Variants in CNTN6 observed in about 807,000 individuals in gnomAD.
CNTN6 encodes contactin-6.
In CNTN6, 137 loss-of-function variants were observed where a neutral mutation model predicts 122.8. The observed-to-expected ratio is 1.12, with a 90% CI of 0.97 to 1.29. The LOEUF (loss-of-function observed/expected upper bound fraction) is 1.29. Among genes scored for constraint, CNTN6 ranks in the 50% most tolerant of loss-of-function variants. CNTN6 has a pLI of 0.00. For missense variants in CNTN6, 1,634 were observed against 1,223.4 expected, an observed-to-expected ratio of 1.34 and a Z score of -5.01; for synonymous variants, 570 against 426.0, an observed-to-expected ratio of 1.34 and a Z score of -4.16.
intron 4 of CNTN6, among the ~76,000 whole-genome samples, chr3:1,239,044 G>T (rs892142697): frequency 2.0e-5 from 3 of 152,132 alleles, no homozygotes; most frequent in Non-Finnish European, 4.4e-5. Flanking sequence ...ACCTAGAGGA[G>T]ATGGATAAAT....
At chr3:1,138,414 A>G (rs1244968502) in intron 1 of CNTN6, among the ~76,000 whole-genome samples, 1 of 152,062 alleles carries the variant, frequency 6.6e-6, no homozygotes, top group African/African-American at 2.4e-5. Context: ...CTCCTACCCA[A>G]TATATTTAAG....
chr3:1,308,272 A>G (rs1698670959), intron 7 of CNTN6, among the ~76,000 whole-genome samples: 2 of 133,838 alleles, frequency 1.5e-5, no homozygotes, highest in African/African-American at 2.8e-5. Flanking sequence ...TGCACTCATC[A>G]ATGTATGGGG....
chr3:1,304,295 C>A (rs3913303), intron 7 of CNTN6, among the ~76,000 whole-genome samples: 1 of 70,056 alleles, frequency 1.4e-5, no homozygotes, highest in South Asian at 6.2e-4. Flanking sequence ...TTTTTTTTTT[C>A]CATATATTTG....
At chr3:1,339,990 A>G (rs1345108055) in intron 11 of CNTN6, among the ~76,000 whole-genome samples, 1 of 152,178 alleles carries the variant, frequency 6.6e-6, no homozygotes, top group African/African-American at 2.4e-5. Flanking sequence ...GCTATCCATC[A>G]AGGGCAGATA....
rs140277721 is a variant in CNTN6, at chr3:1,248,061, A to G, written c.358+20068A>G. On this transcript the variant is annotated intron_variant, in intron 4 of 22. Transcript: ENST00000446702. ...TATGTTGGGTGGCTCTTCTTGGTGG[A>G]AGGCTCACAACCTGTAACTGACTCC... Among the ~76,000 whole-genome samples, 1,196 of 152,262 alleles carry G rather than the reference A, an allele frequency of 7.9e-3. 7 individuals carry two copies. The highest frequency in any genetic ancestry group is 0.013 in the Non-Finnish European group (884 of 68,016).
At chr3:1,261,909 G>A (rs1235951808) in intron 4 of CNTN6, among the ~76,000 whole-genome samples, 4 of 152,062 alleles carry the variant, frequency 2.6e-5, no homozygotes, top group South Asian at 2.1e-4. Context: ...ATTTTTTCCC[G>A]TATACTTGGC....
chr3:1,146,258 T>C (rs957863705), intron 1 of CNTN6, among the ~76,000 whole-genome samples: 2 of 152,158 alleles, frequency 1.3e-5, no homozygotes, highest in African/African-American at 4.8e-5. Context: ...TCAGCCTCTT[T>C]CCCTTTCTCC....
chr3:1,387,651 C>T (rs985336036), intron 20 of CNTN6, among the ~76,000 whole-genome samples: 4 of 152,164 alleles, frequency 2.6e-5, no homozygotes, highest in African/African-American at 7.2e-5. Flanking sequence ...TCTGAGGTAC[C>T]CGGTTCATCT....
intron 1 of CNTN6, among the ~76,000 whole-genome samples, chr3:1,142,794 G>A (rs1385777933): frequency 6.6e-6 from 1 of 151,802 alleles, no homozygotes; most frequent in Non-Finnish European, 1.5e-5. Context: ...GCAGGCTATG[G>A]TTTCCTGACC....
At position 1,372,346 on chromosome 3, in the gene CNTN6, G is replaced by A. The variant is rs1313225816; in HGVS notation, c.1540G>A (p.Gly514Ser). 1.9e-6 allele frequency: 3 copies of A among 1,612,456 alleles called. No individual in the cohort carries two copies. The Admixed American group carries it at 5.0e-5, about 27-fold the overall frequency. Reference protein sequence around the residue: ...VPPSKMDVTVGESIVLPCQVS... With the variant: ...VPPSKMDVTVSESIVLPCQVS... The stretch of plus-strand genomic sequence containing the variant: ...ACCTTCCAAAATGGATGTTACAGTT[G>A]GCGAGAGTATAGTGCTACCATGCCA... The change falls in exon 13 of 23, where the codon GGC (glycine) becomes AGC (serine). Residue 514 changes from glycine to serine, a missense_variant. Gly to Ser is a moderately conservative substitution (Grantham distance 56). Coordinates refer to ENST00000446702, the MANE Select transcript of CNTN6 (RefSeq NM_001289080.2).
At chr3:1,348,046 C>T (rs1339325994) in intron 11 of CNTN6, among the ~76,000 whole-genome samples, 1 of 150,646 alleles carries the variant, frequency 6.6e-6, no homozygotes, top group East Asian at 2.0e-4. Context: ...GAAAGCCTAC[C>T]TATTGACTGC....
chr3:1,269,261 T>A (rs1272516903), intron 4 of CNTN6, among the ~76,000 whole-genome samples: 1 of 152,200 alleles, frequency 6.6e-6, no homozygotes, highest in Non-Finnish European at 1.5e-5. Flanking sequence ...AGCTAGCATT[T>A]GAATATAGAT....
intron 2 of CNTN6, among the ~76,000 whole-genome samples, chr3:1,208,294 T>C: frequency 6.6e-6 from 1 of 152,284 alleles, no homozygotes; most frequent in East Asian, 1.9e-4. Flanking sequence ...TCCATCTTTT[T>C]ATTTCATGAC....
At chr3:1,284,866 T>C (rs937287529) in intron 5 of CNTN6, among the ~76,000 whole-genome samples, 2 of 152,122 alleles carry the variant, frequency 1.3e-5, no homozygotes, top group African/African-American at 2.4e-5. Context: ...ACGTCTAGCA[T>C]GTTGGGAGAA....
chr3:1,179,272 C>G (rs1033678988), intron 2 of CNTN6, among the ~76,000 whole-genome samples: 1 of 152,122 alleles, frequency 6.6e-6, no homozygotes, highest in African/African-American at 2.4e-5. Flanking sequence ...AGGCCCACTT[C>G]CAACACTAAA....
intron 2 of CNTN6, among the ~76,000 whole-genome samples, chr3:1,202,505 C>A (rs1257482119): frequency 6.6e-6 from 1 of 151,650 alleles, no homozygotes; most frequent in Non-Finnish European, 1.5e-5. Context: ...GGCGCCACCG[C>A]CCTCCAGCCT....
At chr3:1,105,892 A>G (rs1439670565) in intron 1 of CNTN6, among the ~76,000 whole-genome samples, 1 of 152,206 alleles carries the variant, frequency 6.6e-6, no homozygotes, top group African/African-American at 2.4e-5. Flanking sequence ...ATGCTATTAC[A>G]GTGTCATCTA....
At chr3:1,399,784 G>T (rs1424237703) in intron 20 of CNTN6, among the ~76,000 whole-genome samples, 1 of 152,084 alleles carries the variant, frequency 6.6e-6, no homozygotes, top group African/African-American at 2.4e-5. Context: ...CACTGTGCTA[G>T]GGGTTAGTAA....
At chr3:1,300,384 G>C (rs12497751) in intron 7 of CNTN6, among the ~76,000 whole-genome samples, 72,826 of 151,068 alleles carry the variant, frequency 0.48, 19,308 homozygotes, top group East Asian at 0.79. Context: ...TCCCAGCCCA[G>C]TCCTGTTCTC....
Sources: allele counts gnomAD v4.1 joint callset (sites outside exome capture counted in the v4.1 genomes callset), GRCh38; gene constraint gnomAD v4.1.1; transcripts MANE v1.5; gene names NCBI Gene and HGNC (gene_info 2026-07-23, HGNC 2026-07-21).